Variants in UBASH3B observed in about 807,000 individuals in gnomAD.
The protein encoded by UBASH3B is ubiquitin associated and SH3 domain containing B, also known as ubiquitin-associated and SH3 domain-containing protein B.
In UBASH3B, 37 loss-of-function variants were observed where a neutral mutation model predicts 83.4. The observed-to-expected ratio is 0.44, with a 90% CI of 0.34 to 0.58. The LOEUF is 0.58. Ranked by LOEUF, UBASH3B falls within the 20% of genes least tolerant of loss-of-function variation. The pLI, the probability that UBASH3B is intolerant of heterozygous loss-of-function variation, is 0.01. For missense variants in UBASH3B, 657 were observed against 827.2 expected (o/e 0.79, Z 2.52); for synonymous variants, 304 against 318.3 (o/e 0.96, Z 0.48).
intron 4 of UBASH3B, 26 bp from the exon 5 acceptor site, chr11:122,783,027 A>T (rs1180685370): frequency 2.5e-6 from 4 of 1,604,428 alleles, no homozygotes; most frequent in African/African-American, 2.7e-5. Context: ...CCTTTTAATT[A>T]CTGACCTTTT....
Position 122,656,130 on chromosome 11 carries a change from C to T in UBASH3B, c.81C>T (p.Asn27=), listed in dbSNP as rs761708229. 7 of 1,595,226 alleles carry T rather than the reference C, an allele frequency of 4.4e-6. No homozygotes were observed. In the African/African-American group the frequency reaches 9.5e-5, roughly 22 times the overall value. ...ACAGCAAAGTCACCCCCCGGAGGAA[C>T]CGCCAACAGCGCCCCGGCACCATCA... ...ELYSKVTPRR[N]RQQRPGTIKH... Residue 27 remains asparagine, a synonymous_variant, in exon 1 of 14, where the codon AAC becomes AAT. Transcript: ENST00000284273.
chr11:122,684,233 G>A (rs1426787723), intron 1 of UBASH3B, among the ~76,000 whole-genome samples: 3 of 152,200 alleles, frequency 2.0e-5, no homozygotes, highest in African/African-American at 7.2e-5. Context: ...AGACAAGATT[G>A]ATCAATGAGG....
rs899674519 is a variant in UBASH3B, at chr11:122,810,717, C to T, written c.*831C>T. ...CATGTTGTAGCCTAACGTGCTACTG[C>T]ATTTCTAAATCATCAATATTTGCTT... On this transcript the variant is annotated 3_prime_UTR_variant, in exon 14 of 14. Transcript: ENST00000284273. The T allele has an allele frequency of 1.8e-4, 28 of 152,464 alleles. No homozygotes were observed. The highest frequency in any genetic ancestry group is 6.0e-4 in the African/African-American group (25 of 41,452). 9.4% of individuals were successfully genotyped at this position (152,464 alleles called of 1,614,324 possible). A position where few individuals can be genotyped will look rare whatever the true frequency, so the allele number is the denominator to read the frequency against.
In UBASH3B at chr11:122,813,624, A is replaced by G. The variant is rs7940959; in HGVS notation, c.*3738A>G. 33,445 of 152,174 alleles carry G rather than the reference A, an allele frequency of 0.22. 4,984 individuals carry two copies. Among genetic ancestry groups the G allele is most frequent in the African/African-American group, 0.42 (17,342 of 41,464 alleles). The allele number at this position is 152,174 out of a possible 1,614,324, so 9.4% of individuals were successfully genotyped here. The stretch of plus-strand genomic sequence containing the variant: ...AGCACACGTGTGAGAAAGAAGAGGC[A>G]CTAGTCTAAAAGGCTGCATTGCGGG... On this transcript the variant is annotated 3_prime_UTR_variant, in exon 14 of 14. Coordinates refer to ENST00000284273, the MANE Select transcript of UBASH3B (RefSeq NM_032873.5).
At chr11:122,686,028 G>T (rs1461337021) in intron 1 of UBASH3B, among the ~76,000 whole-genome samples, 11 of 152,182 alleles carry the variant, frequency 7.2e-5, no homozygotes, top group Admixed American at 3.9e-4. Flanking sequence ...ACCCAGGCCT[G>T]CCTGGCGCTC....
intron 1 of UBASH3B, among the ~76,000 whole-genome samples, chr11:122,753,180 G>A (rs952780625): frequency 1.3e-4 from 20 of 150,558 alleles, no homozygotes; most frequent in African/African-American, 4.6e-4. Context: ...GCTGTGGCTC[G>A]CGCCTGTAAC....
intron 1 of UBASH3B, among the ~76,000 whole-genome samples, chr11:122,681,771 G>T (rs1373937194): frequency 1.3e-5 from 2 of 152,070 alleles, no homozygotes; most frequent in Admixed American, 6.6e-5. Flanking sequence ...TCCCTTCAGG[G>T]TTTGAAAAAA....
chr11:122,690,256 T>TTATA (rs201574384), intron 1 of UBASH3B, among the ~76,000 whole-genome samples: 10 of 117,830 alleles, frequency 8.5e-5, no homozygotes, highest in East Asian at 2.7e-4. Flanking sequence ...ATATATCCAA[T>TTATA]TATATATATA....
chr11:122,790,284 T>A (rs1021932161), intron 6 of UBASH3B, among the ~76,000 whole-genome samples: 4 of 152,030 alleles, frequency 2.6e-5, no homozygotes, highest in African/African-American at 9.7e-5. Flanking sequence ...AAACCACAAA[T>A]CCAAAGATGG....
intron 1 of UBASH3B, among the ~76,000 whole-genome samples, chr11:122,665,541 G>C (rs1007204607): frequency 1.1e-4 from 17 of 152,196 alleles, no homozygotes; most frequent in African/African-American, 4.1e-4. Flanking sequence ...CTGCTTCATG[G>C]GTGTGCTTCT....
Position 122,716,056 on chromosome 11 carries a change from C to T in UBASH3B, c.161+59846C>T, listed in dbSNP as rs573568928. Among the ~76,000 whole-genome samples the T allele has an allele frequency of 1.1e-3, 175 of 152,306 alleles. 1 individual carries two copies. The highest frequency in any genetic ancestry group is 3.8e-3 in the African/African-American group (156 of 41,556). On this transcript the variant is annotated intron_variant, in intron 1 of 13. Coordinates refer to ENST00000284273, the MANE Select transcript of UBASH3B (RefSeq NM_032873.5). ...GGCAGCAGGGACTGTGGAGAGAGGA[C>T]GAGGAGGTGGAATTTCCTGATCGTG...
At chr11:122,760,252 G>T (rs573222840) in intron 1 of UBASH3B, among the ~76,000 whole-genome samples, 1 of 152,190 alleles carries the variant, frequency 6.6e-6, no homozygotes, top group African/African-American at 2.4e-5. Flanking sequence ...CCACTTCCTG[G>T]AGGAAATGAA....
At chr11:122,736,604 A>G (rs1860936222) in intron 1 of UBASH3B, among the ~76,000 whole-genome samples, 1 of 152,158 alleles carries the variant, frequency 6.6e-6, no homozygotes, top group African/African-American at 2.4e-5. Context: ...CATCTACCTC[A>G]TGGCCTGTAC....
intron 1 of UBASH3B, among the ~76,000 whole-genome samples, chr11:122,713,912 C>A (rs1217887863): frequency 6.6e-6 from 1 of 152,116 alleles, no homozygotes; most frequent in Non-Finnish European, 1.5e-5. Context: ...ATGTTTATAT[C>A]CAGGTTAGAA....
chr11:122,664,688 G>A (rs1298225962), intron 1 of UBASH3B, among the ~76,000 whole-genome samples: 1 of 152,184 alleles, frequency 6.6e-6, no homozygotes, highest in Non-Finnish European at 1.5e-5. Flanking sequence ...TTGCAGTCAT[G>A]CTCTTTGCCA....
intron 6 of UBASH3B, among the ~76,000 whole-genome samples, chr11:122,792,456 C>T (rs1861074720): frequency 6.6e-6 from 1 of 151,932 alleles, no homozygotes; most frequent in African/African-American, 2.4e-5. Flanking sequence ...GTAGCCAGGA[C>T]TACAGGTGTG....
At chr11:122,744,637 GT>G (rs148098290) in intron 1 of UBASH3B, among the ~76,000 whole-genome samples, 2,082 of 152,172 alleles carry the variant, frequency 0.014, 45 homozygotes, top group Non-Finnish European at 0.015. Context: ...GACCATGTGT[GT>G]GACAACGCAA....
intron 1 of UBASH3B, among the ~76,000 whole-genome samples, chr11:122,696,558 G>A (rs1423444853): frequency 6.6e-6 from 1 of 151,964 alleles, no homozygotes; most frequent in African/African-American, 2.4e-5. Flanking sequence ...TGATCCACCT[G>A]GTACTCCTAA....
At chr11:122,710,549 C>T (rs1460917696) in intron 1 of UBASH3B, among the ~76,000 whole-genome samples, 2 of 152,248 alleles carry the variant, frequency 1.3e-5, no homozygotes, top group African/African-American at 4.8e-5. Context: ...AGAAGTCAAA[C>T]GTTCATCCAT....
Sources: allele counts gnomAD v4.1 joint callset (sites outside exome capture counted in the v4.1 genomes callset), GRCh38; gene constraint gnomAD v4.1.1; transcripts MANE v1.5; gene names NCBI Gene and HGNC (gene_info 2026-07-23, HGNC 2026-07-21).